Variants in PARP14 observed in about 807,000 individuals in gnomAD.
PARP14 encodes the protein protein mono-ADP-ribosyltransferase PARP14.
PARP14 carries 59 observed loss-of-function variants against 154.2 expected under a neutral mutation model. The observed-to-expected ratio is 0.38, with a 90% CI of 0.31 to 0.48. The LOEUF (loss-of-function observed/expected upper bound fraction) is 0.48, where lower values mean the gene tolerates loss of function less well. PARP14 is among the 20% of genes least tolerant of loss of function. The pLI is 0.98. For synonymous variants in PARP14, 720 were observed against 780.5 expected, an observed-to-expected ratio of 0.92 and a Z score of 1.29; for missense variants, 1,734 against 2,131.6, an observed-to-expected ratio of 0.81 and a Z score of 3.67.
intron 12 of PARP14, among the ~76,000 whole-genome samples, chr3:122,717,353 A>T (rs1933025663): frequency 6.6e-6 from 1 of 152,180 alleles, no homozygotes. Flanking sequence ...GATCTTACCT[A>T]GGCTGTTGCT....
chr3:122,714,574 A>C (rs558777267), intron 12 of PARP14, 145 bp downstream of exon 12: 2 of 522,700 alleles, frequency 3.8e-6, no homozygotes, highest in African/African-American at 4.0e-5. Context: ...TCCCCATAAG[A>C]CAACTCCCAA....
At position 122,699,793 on chromosome 3, in the gene PARP14, A is replaced by C. The variant is rs769042219; in HGVS notation, c.1239A>C (p.Ile413=). The change falls in exon 6 of 17, where the codon ATA becomes ATC. Residue 413 remains isoleucine, a synonymous_variant. Transcript: ENST00000474629. ...TGGATCCAACAATGTGGGACACCAT[A>C]AAAAATGATGTGAAAGATGACAGGA... ...IKVDPTMWDT[I]KNDVKDDRIL... is the part of the protein sequence containing the mutation. 1 of 1,613,982 alleles carries C rather than the reference A, an allele frequency of 6.2e-7. No homozygotes were observed.
chr3:122,719,035 G>C, intron 14 of PARP14, 77 bp downstream of exon 14: 11 of 1,335,080 alleles, frequency 8.2e-6, no homozygotes, highest in East Asian at 2.7e-5. Context: ...ACGTACATCA[G>C]AATTTCAAAT....
chr3:122,718,199 G>C lies in PARP14; in HGVS notation c.4129G>C (p.Asp1377His). 1 of 1,613,614 alleles carries C rather than the reference G, an allele frequency of 6.2e-7. No individual in the cohort carries two copies. The highest frequency in any genetic ancestry group is 8.5e-7 in the Non-Finnish European group (1 of 1,179,698). ...KVVIFLPQVL[D>H]VFYANMKKRE... ...TGTTATCTTTCTGCCTCAAGTACTG[G>C]ATGTGTTTTATGCCAACATGAAGAA... is the stretch of plus-strand genomic sequence containing the variant. The change falls in exon 13 of 17, where the codon GAT becomes CAT. Residue 1377 changes from aspartate (D) to histidine (H), a missense_variant. Coordinates refer to ENST00000474629, the MANE Select transcript of PARP14 (RefSeq NM_017554.3).
At position 122,720,308 on chromosome 3, in the gene PARP14, G is replaced by C; in HGVS notation, c.4861G>C (p.Glu1621Gln). The C allele has an allele frequency of 1.2e-6, 2 of 1,612,982 alleles. No individual in the cohort carries two copies. The highest frequency in any genetic ancestry group is 1.7e-6 in the Non-Finnish European group (2 of 1,179,354). ...DMKQQNFCVV[E>Q]LLPSDPEYNT... ...GAAGCAGCAGAATTTCTGTGTGGTG[G>C]AGCTGCTGCCTAGTGATCCTGAGTA... Residue 1621 changes from glutamate (E) to glutamine (Q), a missense_variant, in exon 15 of 17, where the codon GAG (glutamate) becomes CAG (glutamine). Transcript: ENST00000474629.
chr3:122,708,650 T>C (rs2107648460), intron 9 of PARP14, among the ~76,000 whole-genome samples: 1 of 152,344 alleles, frequency 6.6e-6, no homozygotes, highest in East Asian at 1.9e-4. Flanking sequence ...CCGAGGCTTC[T>C]TGAATATAAA....
intron 1 of PARP14, chr3:122,683,293 T>G (rs982820367): frequency 1.0e-6 from 1 of 984,894 alleles, no homozygotes; most frequent in Non-Finnish European, 1.2e-6. Context: ...TGCCAGGAAG[T>G]GGCCTCAACA....
chr3:122,727,725 T>C (rs1933323586), intron 15 of PARP14, 87 bp from the exon 16 acceptor site: 3 of 790,552 alleles, frequency 3.8e-6, no homozygotes, highest in Admixed American at 3.2e-5. Flanking sequence ...TGCTTTTATT[T>C]ATGAAACATA....
intron 9 of PARP14, 44 bp from the exon 10 acceptor site, chr3:122,713,380 G>T: frequency 6.4e-7 from 1 of 1,561,176 alleles, no homozygotes; most frequent in Non-Finnish European, 8.8e-7. Flanking sequence ...AGTCATTCTT[G>T]CTGTGGCTGA....
At position 122,699,459 on chromosome 3, in the gene PARP14, C is replaced by T. The variant is rs781421260; in HGVS notation, c.905C>T (p.Ala302Val). 1.7e-5 allele frequency: 28 copies of T among 1,613,574 alleles called. No homozygotes were observed. The South Asian group carries it at 2.9e-4, about 16-fold the overall frequency. Residue 302 changes from alanine (A) to valine (V), a missense_variant, in exon 6 of 17, where the codon GCC becomes GTC. Physicochemically the swap from Ala to Val is moderately conservative, Grantham distance 64. Coordinates refer to ENST00000474629, the MANE Select transcript of PARP14 (RefSeq NM_017554.3). ...KMPLSVFPYY[A>V]SLGTALYGKE... ...CCACTTTCTGTGTTCCCATACTATG[C>T]CTCATTGGGCACAGCCTTGTATGGA...
At chr3:122,694,307 C>A (rs994140124) in intron 4 of PARP14, among the ~76,000 whole-genome samples, 4 of 152,126 alleles carry the variant, frequency 2.6e-5, no homozygotes, top group Non-Finnish European at 5.9e-5. Context: ...ATCTGGTAAA[C>A]CCCTCTTCAT....
chr3:122,711,915 G>T (rs1445038015), intron 9 of PARP14, among the ~76,000 whole-genome samples: 1 of 152,028 alleles, frequency 6.6e-6, no homozygotes, highest in Admixed American at 6.6e-5. Context: ...TATTTCTGAG[G>T]CATTGATTGT....
intron 16 of PARP14, 49 bp from the exon 17 acceptor site, chr3:122,728,259 A>G: frequency 6.6e-7 from 1 of 1,517,392 alleles, no homozygotes; most frequent in African/African-American, 1.4e-5. Flanking sequence ...CCAACATATC[A>G]AATTTTACAT....
intron 5 of PARP14, 134 bp from the exon 6 acceptor site, chr3:122,699,256 A>G (rs1281704221): frequency 5.4e-6 from 3 of 551,196 alleles, no homozygotes; most frequent in Non-Finnish European, 9.4e-6. Flanking sequence ...TTGGTCTTAC[A>G]TTGTTTTATT....
At chr3:122,720,667 G>C in intron 15 of PARP14, 1 of 479,372 alleles carries the variant, frequency 2.1e-6, no homozygotes, top group Non-Finnish European at 3.9e-6. Context: ...CAAAGATATG[G>C]CTTTAAAATT....
chr3:122,724,469 T>A (rs939743861), intron 15 of PARP14, among the ~76,000 whole-genome samples: 2 of 146,840 alleles, frequency 1.4e-5, no homozygotes, highest in Non-Finnish European at 3.0e-5. Context: ...TATTTTTTTT[T>A]TTTTTTTTTT....
chr3:122,699,410 A>G lies in PARP14; in HGVS notation c.856A>G (p.Thr286Ala). ...DRKVLDTIMA[T>A]KLDFNKMPLS... ...TTAAGTGTTAGACACCATCATGGCC[A>G]CAAAACTCGACTTCAATAAAATGCC... Residue 286 changes from threonine to alanine, a missense_variant, in exon 6 of 17, where the codon ACA becomes GCA. This residue lies in a region of PARP14 where 1,646 missense variants were observed against 1,976.0 expected (regional missense o/e 0.83). Transcript: ENST00000474629. The G allele has an allele frequency of 1.2e-6, 2 of 1,609,134 alleles. No individual in the cohort carries two copies. The highest frequency in any genetic ancestry group is 2.7e-5 in the African/African-American group (2 of 74,794).
In PARP14 at chr3:122,702,639, C is replaced by A. The variant is rs557841904; in HGVS notation, c.3081+1004C>A. On this transcript the variant is annotated intron_variant, in intron 6 of 16. Coordinates refer to ENST00000474629, the MANE Select transcript of PARP14 (RefSeq NM_017554.3). Reference sequence around the variant, plus strand: ...AGACTTAAAGGGGTTAGGTAATTTGCCCACATCCCCCAACTAGCAAATGGT... The same window carrying A: ...AGACTTAAAGGGGTTAGGTAATTTGACCACATCCCCCAACTAGCAAATGGT... 1.4e-4 allele frequency among the ~76,000 whole-genome samples: 22 copies of A among 152,224 alleles called. No individual in the cohort carries two copies. In the South Asian group the frequency reaches 4.1e-3, roughly 29 times the overall value.
rs1346674288 is a variant in PARP14, at chr3:122,715,643, TATCTATCTATCG to T, written c.4000+1219_4000+1230del. On this transcript the variant is annotated intron_variant, in intron 12 of 16. Transcript: ENST00000474629. ...CTATCTATCTATCTATCTATCTATC[TATCTATCTATCG>T]ATCTGTCTATCTATCTCTATCATCT... 1.3e-3 allele frequency among the ~76,000 whole-genome samples: 195 copies of T among 148,976 alleles called. 2 individuals carry two copies. Among genetic ancestry groups the T allele is most frequent in the African/African-American group, 4.7e-3 (185 of 39,316 alleles).
Sources: gnomAD v4.1 joint callset for allele counts (sites outside exome capture counted in the v4.1 genomes callset) on GRCh38, gnomAD v4.1.1 for gene constraint, gnomAD v4.1.1 regional missense constraint, MANE v1.5 for transcripts, NCBI Gene and HGNC (gene_info 2026-07-23, HGNC 2026-07-21) for gene names.